ERAP1: variants seen among roughly 807,000 people sequenced by gnomAD.
ERAP1 encodes the protein endoplasmic reticulum aminopeptidase 1.
In ERAP1, 86 loss-of-function variants were observed where a neutral mutation model predicts 103.7. The ratio of observed to expected loss-of-function variants is 0.83; its 90% CI spans 0.70 to 0.99. The LOEUF (loss-of-function observed/expected upper bound fraction) is 0.99. Among genes scored for constraint, ERAP1 ranks in the 50% least tolerant of loss-of-function variants. The pLI, the probability that ERAP1 is intolerant of heterozygous loss-of-function variation, is 0.00. For missense variants in ERAP1, 1,009 were observed against 1,128.4 expected, an observed-to-expected ratio of 0.89 and a Z score of 1.52; for synonymous variants, 398 against 402.4, an observed-to-expected ratio of 0.99 and a Z score of 0.13.
downstream of ERAP1, chr5:96,771,926 T>G: frequency 2.8e-6 from 1 of 356,826 alleles, no homozygotes; most frequent in Non-Finnish European, 5.1e-6. Context: ...ATCTTATAAT[T>G]AAAAGCTTTT....
intron 17 of ERAP1, 85 bp from the exon 18 acceptor site, chr5:96,780,589 TTCA>T: frequency 9.5e-7 from 1 of 1,057,932 alleles, no homozygotes; most frequent in Admixed American, 1.7e-5. Context: ...TATAATAGCT[TTCA>T]GCTAAAAACT....
At chr5:96,807,691 G>T (rs951407204) in intron 1 of ERAP1, among the ~76,000 whole-genome samples, 169 bp downstream of exon 1, 64 of 152,010 alleles carry the variant, frequency 4.2e-4, no homozygotes, top group Non-Finnish European at 1.5e-4. Context: ...CCTTCCTCCC[G>T]CGCCCCGTCG....
At chr5:96,804,017 T>TATCC (rs1778285485) in intron 1 of ERAP1, 74 bp from the exon 2 acceptor site, 1 of 1,519,520 alleles carries the variant, frequency 6.6e-7, no homozygotes, top group African/African-American at 1.4e-5. Context: ...TTTCAGAATG[T>TATCC]ATCCACCCAG....
chr5:96,847,763 T>C, the ERAP1 span, among the ~76,000 whole-genome samples: 237 of 152,164 alleles, frequency 1.6e-3, 1 homozygote, highest in African/African-American at 5.5e-3. Flanking sequence ...TGAAAAGATA[T>C]CTTAAGATAA....
chr5:96,879,621 T>A, the ERAP1 span: 2 of 1,335,254 alleles, frequency 1.5e-6, no homozygotes, highest in Non-Finnish European at 2.1e-6. Context: ...CTGGAGCCAG[T>A]GCAGTGCCAT....
chr5:96,933,561 G>A, the ERAP1 span, among the ~76,000 whole-genome samples: 8 of 151,944 alleles, frequency 5.3e-5, no homozygotes, highest in Admixed American at 2.0e-4. Context: ...ATTCGCTAGT[G>A]CATTTTTTTT....
chr5:96,917,387 C>A, the ERAP1 span: 1 of 1,322,040 alleles, frequency 7.6e-7, no homozygotes, highest in Non-Finnish European at 1.0e-6. Flanking sequence ...TCCCGAAGTG[C>A]TGGGATTACA....
chr5:96,933,743 C>G, the ERAP1 span, among the ~76,000 whole-genome samples: 1 of 152,182 alleles, frequency 6.6e-6, no homozygotes, highest in South Asian at 2.1e-4. Flanking sequence ...AAAGGAACTT[C>G]AAGGGAACAT....
the ERAP1 span, among the ~76,000 whole-genome samples, chr5:96,905,720 C>T: frequency 2.6e-5 from 4 of 151,934 alleles, no homozygotes; most frequent in African/African-American, 9.7e-5. Flanking sequence ...CCCATCTCTA[C>T]TAAAAATAAA....
the ERAP1 span, chr5:96,913,507 GTTGCC>G: frequency 1.3e-6 from 2 of 1,598,520 alleles, no homozygotes; most frequent in Non-Finnish European, 1.7e-6. Flanking sequence ...AGATGTCTCA[GTTGCC>G]TCAAACCAAG....
chr5:96,774,181 A>C (rs1375372933), downstream of ERAP1: 5 of 153,924 alleles, frequency 3.2e-5, no homozygotes, highest in African/African-American at 1.2e-4. Flanking sequence ...TTTTTTAAGA[A>C]AAACCTTGAA....
At chr5:96,813,650 CAAAAAAA>C in the ERAP1 span, among the ~76,000 whole-genome samples, 10 of 55,158 alleles carry the variant, frequency 1.8e-4, no homozygotes, top group Middle Eastern at 0.013. Context: ...AGACTCATCT[CAAAAAAA>C]AAAAAAAAAA....
chr5:96,767,444 C>A (rs781469393), intron 19 of ERAP1: 1 of 1,611,968 alleles, frequency 6.2e-7, no homozygotes, highest in South Asian at 1.1e-5. Context: ...TAAGGACAAA[C>A]CAGTGAAGCC....
At chr5:96,786,737 T>G in intron 11 of ERAP1, 188 bp from the exon 12 acceptor site, 1 of 574,172 alleles carries the variant, frequency 1.7e-6, no homozygotes. Context: ...CGGGCACTAT[T>G]TCCTTTTCTT....
At chr5:96,762,053 T>C in exon 20 of ERAP1, 1 of 379,888 alleles carries the variant, frequency 2.6e-6, no homozygotes, top group Admixed American at 4.2e-5. Flanking sequence ...GTATTTAGAA[T>C]AATCAATATG....
intron 10 of ERAP1, 21 bp downstream of exon 10, chr5:96,790,275 T>C: frequency 6.2e-7 from 1 of 1,610,402 alleles, no homozygotes; most frequent in Non-Finnish European, 8.5e-7. Flanking sequence ...TGGGGGAACA[T>C]GTACAGATAT....
chr5:96,879,577 A>G, the ERAP1 span: 2 of 742,998 alleles, frequency 2.7e-6, no homozygotes, highest in Admixed American at 2.7e-5. Flanking sequence ...AAATTCATGT[A>G]TTGAAAATAT....
chr5:96,880,196 A>G, the ERAP1 span: 1 of 1,614,122 alleles, frequency 6.2e-7, no homozygotes, highest in Middle Eastern at 1.6e-4. Flanking sequence ...CTTCCAAGCC[A>G]AGTTAGGTGA....
chr5:96,838,716 G>C, the ERAP1 span, among the ~76,000 whole-genome samples: 1 of 152,122 alleles, frequency 6.6e-6, no homozygotes, highest in African/African-American at 2.4e-5. Flanking sequence ...AAGAAGCCAG[G>C]TGAACTGGAA....
Sources: gnomAD v4.1 joint callset for allele counts (sites outside exome capture counted in the v4.1 genomes callset) on GRCh38, gnomAD v4.1.1 for gene constraint, MANE v1.5 for transcripts, NCBI Gene and HGNC (gene_info 2026-07-23, HGNC 2026-07-21) for gene names.